The following DIAPH2 variants were observed in gnomAD, a reference collection of about 807,000 sequenced individuals.
DIAPH2 encodes the protein diaphanous related formin 2, also known as protein diaphanous homolog 2.
Under a neutral mutation model 92.7 loss-of-function variants are expected in DIAPH2, and 35 were observed. That is an observed-to-expected ratio of 0.38 (90% CI 0.29 to 0.50). The LOEUF is 0.50. DIAPH2 is among the 20% of genes least tolerant of loss of function. The pLI is 0.94. For missense variants in DIAPH2, 701 were observed against 819.5 expected, an observed-to-expected ratio of 0.86 and a Z score of 1.77; for synonymous variants, 301 against 280.4, an observed-to-expected ratio of 1.07 and a Z score of -0.73.
chrX:96,915,431 C>G (rs1228065938), intron 7 of DIAPH2, among the ~76,000 whole-genome samples: 1 of 103,958 alleles, frequency 9.6e-6, no homozygotes, highest in Non-Finnish European at 2.0e-5. Flanking sequence ...TTGGTCTTAT[C>G]TCCATATATT....
rs12006720 is a variant in DIAPH2 at position 97,194,382 on chromosome X, A to C, written c.2719+52588A>C. Reference sequence around the variant, plus strand: ...CTGCACGCTCCGCCTCCCGGGTTCAAGCCATTCTCCTGCCTCAGCCTCCCG... The same window carrying C: ...CTGCACGCTCCGCCTCCCGGGTTCACGCCATTCTCCTGCCTCAGCCTCCCG... On this transcript the variant is annotated intron_variant, in intron 22 of 26. Coordinates refer to ENST00000324765, the MANE Select transcript of DIAPH2 (RefSeq NM_006729.5). 7.3e-3 allele frequency among the ~76,000 whole-genome samples: 795 copies of C among 108,362 alleles called. 5 individuals carry two copies. The highest frequency in any genetic ancestry group is 0.023 in the African/African-American group (688 of 29,735). 94.1% of individuals were successfully genotyped at this position (108,362 alleles called of 115,157 possible).
intron 26 of DIAPH2, among the ~76,000 whole-genome samples, chrX:97,594,183 G>GTATATA (rs35284387): frequency 5.9e-4 from 61 of 102,908 alleles, no homozygotes; most frequent in Non-Finnish European, 7.1e-4. Flanking sequence ...TTTGAGCTCA[G>GTATATA]TATATATATA....
At chrX:97,105,169 A>T (rs1211443768) in intron 20 of DIAPH2, among the ~76,000 whole-genome samples, 1 of 111,808 alleles carries the variant, frequency 8.9e-6, no homozygotes, top group African/African-American at 3.3e-5. Flanking sequence ...AATAAAATTG[A>T]CAAAACTGGG....
intron 23 of DIAPH2, among the ~76,000 whole-genome samples, chrX:97,293,557 G>A (rs998371150): frequency 9.0e-6 from 1 of 111,309 alleles, no homozygotes; most frequent in Admixed American, 9.6e-5. Context: ...GGTCTTTGTT[G>A]ACATTTCTTT....
intron 1 of DIAPH2, among the ~76,000 whole-genome samples, chrX:96,711,887 G>A (rs945387527): frequency 1.8e-5 from 2 of 111,263 alleles, no homozygotes; most frequent in African/African-American, 6.5e-5. Context: ...CTTGCACAGG[G>A]TGGACTTTCT....
intron 20 of DIAPH2, among the ~76,000 whole-genome samples, chrX:97,113,079 C>T (rs961242633): frequency 9.0e-6 from 1 of 110,846 alleles, no homozygotes; most frequent in Non-Finnish European, 1.9e-5. Context: ...CGCGCCCGGC[C>T]ACTTTTTCCT....
intron 25 of DIAPH2, among the ~76,000 whole-genome samples, chrX:97,396,081 G>A (rs1032577361): frequency 1.9e-4 from 21 of 112,195 alleles, no homozygotes; most frequent in Non-Finnish European, 2.6e-4. Context: ...CACATTGTAG[G>A]TGGCCTAATC....
chrX:97,094,076 C>T (rs527372), intron 19 of DIAPH2, among the ~76,000 whole-genome samples: 11,164 of 110,972 alleles, frequency 0.1, 1,363 homozygotes, highest in African/African-American at 0.34. Flanking sequence ...CATTAGGAGA[C>T]GCTGATAAGG....
intron 23 of DIAPH2, among the ~76,000 whole-genome samples, chrX:97,317,399 A>G (rs939998284): frequency 1.3e-4 from 15 of 112,199 alleles, no homozygotes; most frequent in African/African-American, 4.2e-4. Flanking sequence ...AGAAGGCAGA[A>G]TTAAGACTTG....
chrX:97,416,658 G>A (rs1326130142), intron 25 of DIAPH2, among the ~76,000 whole-genome samples: 4 of 111,688 alleles, frequency 3.6e-5, no homozygotes, highest in Non-Finnish European at 5.6e-5. Flanking sequence ...TATTGTGCCT[G>A]GAGGGAGAGT....
intron 21 of DIAPH2, among the ~76,000 whole-genome samples, chrX:97,130,179 C>T (rs2067128753): frequency 8.9e-6 from 1 of 111,947 alleles, no homozygotes; most frequent in Non-Finnish European, 1.9e-5. Flanking sequence ...ATGGTGCAGC[C>T]AATGTAGGAA....
chrX:96,778,471 A>G (rs954448680), intron 4 of DIAPH2, among the ~76,000 whole-genome samples: 1 of 110,327 alleles, frequency 9.1e-6, no homozygotes, highest in Non-Finnish European at 1.9e-5. Context: ...CTTTACTCCT[A>G]AATACTTAAG....
At chrX:97,533,144 G>T (rs1393856463) in intron 26 of DIAPH2, 3 of 111,589 alleles carry the variant, frequency 2.7e-5, no homozygotes, top group African/African-American at 9.8e-5. Flanking sequence ...CATTCATTTT[G>T]TTATGCCTCT....
chrX:96,821,626 AT>A (rs2064778563), intron 4 of DIAPH2, among the ~76,000 whole-genome samples: 1 of 112,228 alleles, frequency 8.9e-6, no homozygotes, highest in Non-Finnish European at 1.9e-5. Flanking sequence ...AATATTTATA[AT>A]TTTGATAATG....
chrX:97,500,877 A>C (rs2070793346), intron 26 of DIAPH2, among the ~76,000 whole-genome samples: 1 of 103,822 alleles, frequency 9.6e-6, no homozygotes, highest in African/African-American at 3.5e-5. Context: ...CAAATATGCC[A>C]AATTGTTTTG....
At chrX:97,322,528 C>T (rs1030473429) in intron 23 of DIAPH2, among the ~76,000 whole-genome samples, 1 of 111,221 alleles carries the variant, frequency 9.0e-6, no homozygotes, top group African/African-American at 3.3e-5. Flanking sequence ...AGCACTAACT[C>T]CCTGAAGCAC....
chrX:97,366,806 T>A (rs1342163643), intron 24 of DIAPH2, among the ~76,000 whole-genome samples: 2 of 111,876 alleles, frequency 1.8e-5, no homozygotes, highest in Admixed American at 1.9e-4. Flanking sequence ...AAAAGTGTAA[T>A]AATTCTAAGT....
At chrX:97,420,082 A>C (rs1057198382) in intron 25 of DIAPH2, among the ~76,000 whole-genome samples, 1 of 111,581 alleles carries the variant, frequency 9.0e-6, no homozygotes, top group Non-Finnish European at 1.9e-5. Flanking sequence ...GTTTATTTAT[A>C]GAATGTGTAA....
intron 23 of DIAPH2, among the ~76,000 whole-genome samples, chrX:97,324,600 C>T (rs2068934369): frequency 9.0e-6 from 1 of 111,349 alleles, no homozygotes; most frequent in African/African-American, 3.3e-5. Flanking sequence ...ATAGTCTGTA[C>T]TCAAACACAA....
Sources: allele counts gnomAD v4.1 joint callset (sites outside exome capture counted in the v4.1 genomes callset), GRCh38; gene constraint gnomAD v4.1.1; transcripts MANE v1.5; gene names NCBI Gene and HGNC (gene_info 2026-07-23, HGNC 2026-07-21).